NKAIN2: variants seen among roughly 807,000 people sequenced by gnomAD.
NKAIN2 encodes the protein sodium/potassium-transporting ATPase subunit beta-1-interacting protein 2.
Under a neutral mutation model 32.6 loss-of-function variants are expected in NKAIN2, and 14 were observed. The observed-to-expected ratio is 0.43, with a 90% CI of 0.28 to 0.67. NKAIN2 has a LOEUF of 0.67. Ranked by LOEUF, NKAIN2 falls within the 30% of genes least tolerant of loss-of-function variation. The pLI, the probability that NKAIN2 is intolerant of heterozygous loss-of-function variation, is 0.17. For missense variants in NKAIN2, 198 were observed against 258.3 expected, an observed-to-expected ratio of 0.77 and a Z score of 1.60; for synonymous variants, 80 against 87.2, an observed-to-expected ratio of 0.92 and a Z score of 0.46.
intron 3 of NKAIN2, among the ~76,000 whole-genome samples, chr6:124,642,409 G>T (rs1784026508): frequency 6.6e-6 from 1 of 152,090 alleles, no homozygotes; most frequent in Non-Finnish European, 1.5e-5. Context: ...CCAGAAAAAT[G>T]CTATACTTAG....
chr6:124,407,464 C>G (rs142523876), intron 3 of NKAIN2, among the ~76,000 whole-genome samples: 9,980 of 151,416 alleles, frequency 0.066, 984 homozygotes, highest in African/African-American at 0.21. Flanking sequence ...TTTGTCCTTG[C>G]AATAGTTTGC....
chr6:124,704,278 C>A (rs1774941641), intron 4 of NKAIN2, among the ~76,000 whole-genome samples: 1 of 151,542 alleles, frequency 6.6e-6, no homozygotes, highest in Admixed American at 6.6e-5. Context: ...TTTAGAGCTT[C>A]CTAGAAAAAA....
intron 2 of NKAIN2, among the ~76,000 whole-genome samples, chr6:124,303,589 A>C (rs1796387074): frequency 6.6e-6 from 1 of 152,236 alleles, no homozygotes; most frequent in African/African-American, 2.4e-5. Flanking sequence ...CACTAAGGAC[A>C]GTAAATGAAT....
chr6:124,009,767 G>A (rs1309713605), intron 1 of NKAIN2, among the ~76,000 whole-genome samples: 3 of 152,152 alleles, frequency 2.0e-5, no homozygotes, highest in African/African-American at 4.8e-5. Flanking sequence ...GCATGGTGCT[G>A]AGTAGACTTT....
rs563435664 is a variant in NKAIN2, at chr6:123,817,692, T to C, written c.54+13438T>C. Among the ~76,000 whole-genome samples, 6 of 152,300 alleles carry C rather than the reference T, an allele frequency of 3.9e-5. No homozygotes were observed. In the East Asian group the frequency reaches 1.2e-3, roughly 29 times the overall value. On this transcript the variant is annotated intron_variant, in intron 1 of 6. Coordinates refer to ENST00000368417, the MANE Select transcript of NKAIN2 (RefSeq NM_001040214.3). ...AGGCAACCCAGCCATGTAGCCATTT[T>C]GAAAACTCCTTAGATTATTTTGGTA...
intron 4 of NKAIN2, among the ~76,000 whole-genome samples, chr6:124,677,887 T>C (rs1388913319): frequency 2.6e-5 from 4 of 152,254 alleles, no homozygotes; most frequent in African/African-American, 9.6e-5. Flanking sequence ...ACCTTTCTTT[T>C]TAAGGCAGGT....
chr6:124,091,214 A>G (rs1012722554), intron 1 of NKAIN2, among the ~76,000 whole-genome samples: 16 of 151,992 alleles, frequency 1.1e-4, no homozygotes, highest in African/African-American at 3.9e-4. Context: ...CCCATAAACC[A>G]GTGAAGCTAT....
chr6:123,915,313 C>T (rs1371914215), intron 1 of NKAIN2, among the ~76,000 whole-genome samples: 4 of 152,268 alleles, frequency 2.6e-5, no homozygotes, highest in Non-Finnish European at 4.4e-5. Flanking sequence ...TGGAAATCAT[C>T]TTCCATTTTG....
chr6:124,703,834 G>C (rs1680162468), intron 4 of NKAIN2, among the ~76,000 whole-genome samples: 1 of 151,890 alleles, frequency 6.6e-6, no homozygotes, highest in Non-Finnish European at 1.5e-5. Flanking sequence ...CCAGTTTGTG[G>C]GTGAATCTGG....
chr6:124,401,911 A>G (rs369412160), intron 3 of NKAIN2, among the ~76,000 whole-genome samples: 4 of 152,284 alleles, frequency 2.6e-5, no homozygotes, highest in South Asian at 2.1e-4. Context: ...TTTTTGATGT[A>G]GTCAAATTTA....
At chr6:124,656,182 T>A (rs1021995343) in intron 3 of NKAIN2, among the ~76,000 whole-genome samples, 3 of 152,212 alleles carry the variant, frequency 2.0e-5, no homozygotes, top group Non-Finnish European at 2.9e-5. Flanking sequence ...ATGGACCTGA[T>A]TCTTCTGCTA....
chr6:124,334,033 C>T (rs769493378), intron 2 of NKAIN2, among the ~76,000 whole-genome samples: 14 of 152,090 alleles, frequency 9.2e-5, no homozygotes, highest in Non-Finnish European at 1.3e-4. Flanking sequence ...TACTTTAGCT[C>T]TTCTGAGAGC....
At chr6:123,816,951 A>G (rs1773718602) in intron 1 of NKAIN2, among the ~76,000 whole-genome samples, 1 of 152,154 alleles carries the variant, frequency 6.6e-6, no homozygotes. Flanking sequence ...TGGTTTTATT[A>G]AAGATGCTTG....
At chr6:124,265,624 C>T in intron 1 of NKAIN2, among the ~76,000 whole-genome samples, 1 of 152,172 alleles carries the variant, frequency 6.6e-6, no homozygotes, top group Admixed American at 6.5e-5. Context: ...ACCACCAGTG[C>T]AAGTAATTAG....
intron 3 of NKAIN2, among the ~76,000 whole-genome samples, chr6:124,637,013 T>G (rs899238652): frequency 5.3e-5 from 8 of 151,988 alleles, no homozygotes; most frequent in Non-Finnish European, 1.2e-4. Flanking sequence ...AAACTGAATA[T>G]AACATTACAT....
At chr6:124,743,019 A>C (rs578178615) in intron 4 of NKAIN2, among the ~76,000 whole-genome samples, 1 of 151,936 alleles carries the variant, frequency 6.6e-6, no homozygotes, top group Non-Finnish European at 1.5e-5. Flanking sequence ...TCACTGCTCC[A>C]TGATCAGCAT....
chr6:123,830,357 G>C (rs1774326975), intron 1 of NKAIN2, among the ~76,000 whole-genome samples: 1 of 152,018 alleles, frequency 6.6e-6, no homozygotes, highest in Admixed American at 6.6e-5. Flanking sequence ...GTTGCTCTAG[G>C]CGTAAAGGCA....
chr6:124,000,131 GAC>G (rs1562300603), intron 1 of NKAIN2, among the ~76,000 whole-genome samples: 1 of 152,072 alleles, frequency 6.6e-6, no homozygotes, highest in East Asian at 1.9e-4. Context: ...CTTCCAAAAC[GAC>G]ACTTTCTTAG....
At chr6:124,397,670 C>T (rs1459465325) in intron 3 of NKAIN2, among the ~76,000 whole-genome samples, 2 of 151,890 alleles carry the variant, frequency 1.3e-5, no homozygotes, top group Non-Finnish European at 2.9e-5. Flanking sequence ...AAATTGTATA[C>T]ATTTGAAATT....
Sources: allele counts gnomAD v4.1 joint callset (sites outside exome capture counted in the v4.1 genomes callset), GRCh38; gene constraint gnomAD v4.1.1; transcripts MANE v1.5; gene names NCBI Gene and HGNC (gene_info 2026-07-23, HGNC 2026-07-21).